Variants in B3GAT1 observed in about 807,000 individuals in gnomAD.
The protein encoded by B3GAT1 is beta-1,3-glucuronyltransferase 1.
In B3GAT1, 11 loss-of-function variants were observed where a neutral mutation model predicts 28.4. The observed-to-expected ratio is 0.39, with a 90% CI of 0.24 to 0.64. The LOEUF (loss-of-function observed/expected upper bound fraction) is 0.64. B3GAT1 is among the 30% of genes least tolerant of loss of function. The pLI is 0.50. For synonymous variants in B3GAT1, 255 were observed against 223.1 expected (o/e 1.14, Z -1.27); for missense variants, 375 against 491.0 (o/e 0.76, Z 2.23).
chr11:134,387,127 A>ACAGTGCTTC (rs1413180853), intron 2 of B3GAT1: 5 of 194,336 alleles, frequency 2.6e-5, no homozygotes, highest in Non-Finnish European at 3.2e-5. Context: ...TCAGCTGCCG[A>ACAGTGCTTC]CAGTGCTTCG....
At chr11:134,394,563 G>T (rs981361542) in intron 1 of B3GAT1, among the ~76,000 whole-genome samples, 16 of 152,282 alleles carry the variant, frequency 1.1e-4, no homozygotes, top group African/African-American at 3.8e-4. Flanking sequence ...TGGTCGGGCC[G>T]AGTGCCCCCA....
At chr11:134,383,131 G>T in intron 3 of B3GAT1, 125 bp from the exon 4 acceptor site, 1 of 1,088,352 alleles carries the variant, frequency 9.2e-7, no homozygotes, top group Non-Finnish European at 1.3e-6. Flanking sequence ...GGCCACCTAG[G>T]GGGTGTCCAG....
chr11:134,411,668 G>GCGCACACA lies in B3GAT1; in HGVS notation c.-282+131_-282+138dup, dbSNP rs1491025742. 4 of 76,140 alleles carry GCGCACACA rather than the reference G, an allele frequency of 5.3e-5. No homozygotes were observed. The allele number at this position is 76,140 out of a possible 1,614,324, so 4.7% of individuals were successfully genotyped here. On this transcript the variant is annotated intron_variant, in intron 1 of 5. Transcript: ENST00000312527. This position sits in a 1 kb window ranked among gnomAD's most constrained non-coding sequence, Gnocchi z 6.0. ...TTTCCAGCTGCCCCCAGCGCGCGCA[G>GCGCACACA]CGCACACACACACACACACACACAC...
At chr11:134,410,315 A>G (rs1050720923) in intron 1 of B3GAT1, among the ~76,000 whole-genome samples, 2 of 152,208 alleles carry the variant, frequency 1.3e-5, no homozygotes, top group Non-Finnish European at 2.9e-5. Context: ...GTGATCCCCA[A>G]GCATCCTGGG....
At chr11:134,384,582 G>C (rs1944229524) in intron 2 of B3GAT1, 1 of 203,110 alleles carries the variant, frequency 4.9e-6, no homozygotes, top group South Asian at 1.6e-4. Flanking sequence ...TGCAGGGCTG[G>C]GCTAGCAGAG....
Position 134,384,039 on chromosome 11 carries a change from C to A in B3GAT1, c.262G>T (p.Val88Leu). ...GGGCGGCTGTAGGTGGGCGTCACCA[C>A]GTGGATGGTGGGCAGCGTGTCGGAC... Reference protein sequence around the residue: ...PWSDTLPTIHVVTPTYSRPVQ... With the variant: ...PWSDTLPTIHLVTPTYSRPVQ... The change falls in exon 3 of 6, where the codon GTG becomes TTG. Residue 88 changes from valine to leucine, a missense_variant. Coordinates refer to ENST00000312527, the MANE Select transcript of B3GAT1 (RefSeq NM_054025.3). The A allele has an allele frequency of 6.2e-7, 1 of 1,605,546 alleles. No individual in the cohort carries two copies. Among genetic ancestry groups the A allele is most frequent in the Non-Finnish European group, 8.5e-7 (1 of 1,179,074 alleles).
At chr11:134,399,724 T>C (rs1197859816) in intron 1 of B3GAT1, among the ~76,000 whole-genome samples, 1 of 152,170 alleles carries the variant, frequency 6.6e-6, no homozygotes, top group Admixed American at 6.5e-5. Flanking sequence ...AAGGTTGCAC[T>C]GCTTGGGATG....
intron 4 of B3GAT1, 41 bp from the exon 5 acceptor site, chr11:134,382,065 T>C (rs899383682): frequency 1.3e-5 from 20 of 1,576,218 alleles, no homozygotes; most frequent in East Asian, 2.2e-5. Flanking sequence ...GACAGGCCCC[T>C]GACCTCACTC....
chr11:134,383,993 G>A lies in B3GAT1; in HGVS notation c.308C>T (p.Thr103Met), dbSNP rs765407391. 3.1e-5 allele frequency: 49 copies of A among 1,603,752 alleles called. No individual in the cohort carries two copies. The highest frequency in any genetic ancestry group is 2.1e-4 in the South Asian group (19 of 90,788). ...YSRPVQKAEL[T>M]RMANTLLHVP... ...GTGCAGCAGCGTGTTGGCCATGCGC[G>A]TCAGCTCGGCCTTCTGCACCGGGCG... The change falls in exon 3 of 6, where the codon ACG (threonine) becomes ATG (methionine). Residue 103 changes from threonine to methionine, a missense_variant. Transcript: ENST00000312527.
chr11:134,399,197 T>C (rs7948031), intron 1 of B3GAT1, among the ~76,000 whole-genome samples: 27,043 of 152,216 alleles, frequency 0.18, 2,906 homozygotes, highest in African/African-American at 0.3. Flanking sequence ...TCACCTCACC[T>C]GTTGGAGACA....
intron 1 of B3GAT1, among the ~76,000 whole-genome samples, chr11:134,405,882 C>T (rs1944722016): frequency 6.6e-6 from 1 of 152,246 alleles, no homozygotes. Flanking sequence ...TGGCCAGCTC[C>T]TGCCCCTCAG....
chr11:134,401,846 C>T (rs1944619530), intron 1 of B3GAT1, among the ~76,000 whole-genome samples: 1 of 152,116 alleles, frequency 6.6e-6, no homozygotes, highest in South Asian at 2.1e-4. Flanking sequence ...TCAGTGGCGA[C>T]CAGCCTTCGG....
At chr11:134,383,076 G>A in intron 3 of B3GAT1, 70 bp from the exon 4 acceptor site, 1 of 1,453,360 alleles carries the variant, frequency 6.9e-7, no homozygotes, top group Admixed American at 2.2e-5. Context: ...GCCCAAGGGA[G>A]GCGACATCCT....
intron 1 of B3GAT1, among the ~76,000 whole-genome samples, chr11:134,399,149 G>A (rs557458610): frequency 6.6e-6 from 1 of 152,168 alleles, no homozygotes; most frequent in Admixed American, 6.5e-5. Context: ...ACTTGCTCCT[G>A]TTCAGAGGTT....
intron 1 of B3GAT1, among the ~76,000 whole-genome samples, chr11:134,397,863 GT>G (rs965152591): frequency 1.3e-4 from 20 of 152,260 alleles, no homozygotes; most frequent in African/African-American, 4.3e-4. Context: ...CTGAGTGGCA[GT>G]TAGGGGGCCC....
chr11:134,407,118 T>C (rs1944749230), intron 1 of B3GAT1, among the ~76,000 whole-genome samples: 1 of 152,232 alleles, frequency 6.6e-6, no homozygotes, highest in Admixed American at 6.5e-5. Flanking sequence ...GTGGCTGGTG[T>C]GACTGAGGAG....
At chr11:134,400,869 G>A (rs1944600229) in intron 1 of B3GAT1, among the ~76,000 whole-genome samples, 1 of 152,174 alleles carries the variant, frequency 6.6e-6, no homozygotes, top group Non-Finnish European at 1.5e-5. Context: ...CTAACATCCA[G>A]AACCTACCAG....
chr11:134,383,017 G>GC lies in B3GAT1; in HGVS notation c.622-12_622-11insG. On this transcript the variant is annotated splice_polypyrimidine_tract_variant and intron_variant, in intron 3 of 5. Transcript: ENST00000312527. ...CCTGGTGCTGCGCATCTACAAGGGG[G>GC]GGGTCCAGAGTCAGGGCGCCGGCAC... is the stretch of plus-strand genomic sequence containing the variant. 6.5e-7 allele frequency: 1 copy of GC among 1,537,492 alleles called. No individual in the cohort carries two copies.
chr11:134,389,714 C>T (rs899860367), intron 1 of B3GAT1: 4 of 152,324 alleles, frequency 2.6e-5, no homozygotes, highest in Admixed American at 2.6e-4. Context: ...CAGTACCTCA[C>T]CTGGGGGCCA....
Sources: allele counts gnomAD v4.1 joint callset (sites outside exome capture counted in the v4.1 genomes callset), GRCh38; gene constraint gnomAD v4.1.1; non-coding constraint Gnocchi (gnomAD v3.1); transcripts MANE v1.5; gene names NCBI Gene and HGNC (gene_info 2026-07-23, HGNC 2026-07-21).